HHAT: variants seen among roughly 807,000 people sequenced by gnomAD.
HHAT encodes the protein protein-cysteine N-palmitoyltransferase HHAT.
HHAT carries 47 observed loss-of-function variants against 70.8 expected under a neutral mutation model. The ratio of observed to expected loss-of-function variants is 0.66; its 90% CI spans 0.53 to 0.85. The LOEUF (loss-of-function observed/expected upper bound fraction) is 0.85, where lower values mean the gene tolerates loss of function less well. Among genes scored for constraint, HHAT ranks in the 40% least tolerant of loss-of-function variants. HHAT has a pLI of 0.00. For missense variants in HHAT, 609 were observed against 604.8 expected (o/e 1.01, Z -0.07); for synonymous variants, 228 against 247.6 (o/e 0.92, Z 0.74).
At chr1:210,664,069 G>GTCCA (rs754017253) in intron 11 of HHAT, among the ~76,000 whole-genome samples, 1 of 152,344 alleles carries the variant, frequency 6.6e-6, no homozygotes, top group Non-Finnish European at 1.5e-5. Context: ...CAAAGCTTCT[G>GTCCA]TCCATCTCCC....
At chr1:210,530,510 C>T (rs555627049) in intron 9 of HHAT, among the ~76,000 whole-genome samples, 6 of 152,212 alleles carry the variant, frequency 3.9e-5, no homozygotes, top group African/African-American at 1.4e-4. Flanking sequence ...GGTGACAGTA[C>T]CGGCAGGGAC....
intron 8 of HHAT, among the ~76,000 whole-genome samples, chr1:210,490,943 G>GA (rs953881913): frequency 1.7e-4 from 26 of 151,488 alleles, no homozygotes; most frequent in African/African-American, 3.6e-4. Flanking sequence ...AGGAGCATAG[G>GA]AAAAAAAATC....
chr1:210,367,923 C>T (rs1424615347), intron 3 of HHAT, among the ~76,000 whole-genome samples: 2 of 135,198 alleles, frequency 1.5e-5, no homozygotes, highest in Admixed American at 7.4e-5. Flanking sequence ...ACCCCCCACC[C>T]CCTGCAGGCT....
At chr1:210,624,699 G>T (rs1669502344) in intron 11 of HHAT, among the ~76,000 whole-genome samples, 1 of 152,190 alleles carries the variant, frequency 6.6e-6, no homozygotes, top group South Asian at 2.1e-4. Context: ...ATTGATCGTT[G>T]TTTATTTATG....
chr1:210,343,224 T>TA (rs1261569045), intron 1 of HHAT, among the ~76,000 whole-genome samples: 1 of 152,130 alleles, frequency 6.6e-6, no homozygotes, highest in Non-Finnish European at 1.5e-5. Flanking sequence ...GACCAGTCAT[T>TA]ACCTCCTCCT....
intron 7 of HHAT, among the ~76,000 whole-genome samples, chr1:210,419,213 G>A (rs1449025055): frequency 6.6e-6 from 1 of 152,118 alleles, no homozygotes; most frequent in African/African-American, 2.4e-5. Context: ...CACATTGAGG[G>A]TGTACCTTGT....
intron 6 of HHAT, among the ~76,000 whole-genome samples, chr1:210,408,907 G>T (rs2092430894): frequency 6.6e-6 from 1 of 152,172 alleles, no homozygotes; most frequent in South Asian, 2.1e-4. Context: ...TGACACCCAG[G>T]TTGGAGTGCA....
In HHAT at chr1:210,418,169, C is replaced by T. The variant is rs1231520076; in HGVS notation, c.700C>T (p.His234Tyr). Reference sequence around the variant, plus strand: ...TCCACTTTAGATGCAGCAGCAGGAGCATGACTCCCTGAAGGCCAGCCTGTG... The same window carrying T: ...TCCACTTTAGATGCAGCAGCAGGAGTATGACTCCCTGAAGGCCAGCCTGTG... ...EFIKQMQQQE[H>Y]DSLKASLCVL... The change falls in exon 7 of 12, where the codon CAT becomes TAT. Residue 234 changes from histidine (H) to tyrosine (Y), a missense_variant. Transcript: ENST00000261458. The T allele has an allele frequency of 2.5e-6, 4 of 1,614,150 alleles. No individual in the cohort carries two copies. The highest frequency in any genetic ancestry group is 3.4e-6 in the Non-Finnish European group (4 of 1,180,014).
intron 5 of HHAT, among the ~76,000 whole-genome samples, chr1:210,402,630 G>A (rs2092133668): frequency 6.6e-6 from 1 of 152,194 alleles, no homozygotes; most frequent in Non-Finnish European, 1.5e-5. Flanking sequence ...ACAGTAGCAT[G>A]TAAGTGACCA....
intron 9 of HHAT, among the ~76,000 whole-genome samples, chr1:210,569,845 T>C (rs1655794738): frequency 6.6e-6 from 1 of 152,202 alleles, no homozygotes; most frequent in Admixed American, 6.5e-5. Context: ...TCAATTTGTT[T>C]TTTTTTAACT....
intron 1 of HHAT, among the ~76,000 whole-genome samples, chr1:210,348,557 C>G (rs2086720236): frequency 6.6e-6 from 1 of 152,174 alleles, no homozygotes; most frequent in Admixed American, 6.5e-5. Context: ...GTGCTAGGGG[C>G]TGGTGAGTCA....
chr1:210,401,967 C>G, intron 5 of HHAT, among the ~76,000 whole-genome samples: 2 of 152,142 alleles, frequency 1.3e-5, no homozygotes, highest in Non-Finnish European at 2.9e-5. Context: ...AAGCTTAGGC[C>G]CCTCAGCCTA....
intron 7 of HHAT, among the ~76,000 whole-genome samples, chr1:210,440,983 C>T (rs370614036): frequency 1.3e-5 from 2 of 152,194 alleles, no homozygotes; most frequent in African/African-American, 2.4e-5. Flanking sequence ...GGGCTCTGAA[C>T]TCAGAGGACT....
intron 2 of HHAT, among the ~76,000 whole-genome samples, chr1:210,356,512 ATCACTACTCCCTG>A (rs1046215910): frequency 1.3e-5 from 2 of 152,128 alleles, no homozygotes; most frequent in Non-Finnish European, 2.9e-5. Flanking sequence ...ATTTATTTGA[ATCACTACTCCCTG>A]TTTCTTTGTT....
chr1:210,652,167 G>A (rs1021194949), intron 11 of HHAT, among the ~76,000 whole-genome samples: 3 of 152,176 alleles, frequency 2.0e-5, no homozygotes, highest in Non-Finnish European at 1.5e-5. Context: ...ATGATAGATG[G>A]AATAGAGGGG....
intron 4 of HHAT, among the ~76,000 whole-genome samples, chr1:210,395,120 C>A (rs1572131470): frequency 6.6e-6 from 1 of 152,086 alleles, no homozygotes; most frequent in African/African-American, 2.4e-5. Context: ...AATAATGCTC[C>A]CATTGAGTGG....
intron 11 of HHAT, among the ~76,000 whole-genome samples, chr1:210,668,545 C>T (rs1233169460): frequency 1.3e-5 from 2 of 152,120 alleles, no homozygotes; most frequent in African/African-American, 4.8e-5. Flanking sequence ...GCCTTTGCTC[C>T]TCCTTCGCCT....
chr1:210,398,950 A>T (rs975834813), intron 4 of HHAT, among the ~76,000 whole-genome samples: 1 of 152,210 alleles, frequency 6.6e-6, no homozygotes, highest in African/African-American at 2.4e-5. Flanking sequence ...CTCATATTTA[A>T]AATGTTCTCT....
At chr1:210,636,416 T>TA (rs1405856163) in intron 11 of HHAT, among the ~76,000 whole-genome samples, 12 of 152,332 alleles carry the variant, frequency 7.9e-5, no homozygotes, top group Middle Eastern at 3.4e-3. Flanking sequence ...GTCCACCTGT[T>TA]AGACTTATTG....
Sources: gnomAD v4.1 joint callset for allele counts (sites outside exome capture counted in the v4.1 genomes callset) on GRCh38, gnomAD v4.1.1 for gene constraint, MANE v1.5 for transcripts, NCBI Gene and HGNC (gene_info 2026-07-23, HGNC 2026-07-21) for gene names.